ITIH2: variants seen among roughly 807,000 people sequenced by gnomAD.
ITIH2 encodes the protein inter-alpha-trypsin inhibitor heavy chain H2.
In ITIH2, 103 loss-of-function variants were observed where a neutral mutation model predicts 104.4. The ratio of observed to expected loss-of-function variants is 0.99; its 90% CI spans 0.84 to 1.16. The LOEUF (loss-of-function observed/expected upper bound fraction) is 1.16. Ranked by LOEUF, ITIH2 falls within the 50% of genes most tolerant of loss-of-function variation. The pLI is 0.00. For synonymous variants in ITIH2, 436 were observed against 435.4 expected (o/e 1.00, Z -0.02); for missense variants, 1,108 against 1,162.4 (o/e 0.95, Z 0.68).
At chr10:7,728,006 A>T (rs1834967619) in intron 11 of ITIH2, among the ~76,000 whole-genome samples, 178 bp downstream of exon 11, 1 of 152,222 alleles carries the variant, frequency 6.6e-6, no homozygotes, top group Non-Finnish European at 1.5e-5. Context: ...GCTACTGCTC[A>T]GACACTTTCA....
Position 7,732,400 on chromosome 10 carries a change from G to C in ITIH2, c.1710G>C (p.Ser570=), listed in dbSNP as rs537160383. The change falls in exon 14 of 21, where the codon TCG becomes TCC. Residue 570 remains serine, a synonymous_variant. Transcript: ENST00000358415. ...AQMDDLQDFL[S]KDKHADPDFT... is the part of the protein sequence containing the mutation. ...TGGACGACTTGCAGGATTTTCTATC[G>C]AAAGACAAGCATGCAGATCCCGATT... 3.1e-6 allele frequency: 5 copies of C among 1,613,864 alleles called. No homozygotes were observed. In the African/African-American group the frequency reaches 4.0e-5, roughly 13 times the overall value.
rs202208125 is a variant in ITIH2 at position 7,749,186 on chromosome 10, G to A, written c.2694-1G>A. 8.1e-6 allele frequency: 13 copies of A among 1,614,006 alleles called. No homozygotes were observed. The East Asian group carries it at 2.2e-4, about 28-fold the overall frequency. On this transcript the variant is annotated splice_acceptor_variant, in intron 20 of 20. Coordinates refer to ENST00000358415, the MANE Select transcript of ITIH2 (RefSeq NM_002216.3). LOFTEE classifies it high-confidence loss of function. ...TAACCACATGCCTTGCTTCCTTGCA[G>A]GGGCTTACAGAAAGACTACAGAACG...
At position 7,705,476 on chromosome 10, in the gene ITIH2, A is replaced by G. The variant is rs151161263; in HGVS notation, c.159+294A>G. 1.2e-4 allele frequency among the ~76,000 whole-genome samples: 19 copies of G among 152,214 alleles called. 1 individual carries two copies. The highest frequency in any genetic ancestry group is 2.4e-4 in the Non-Finnish European group (16 of 67,996). ...ATCACAGCATTTTCAGAGGCCAAGG[A>G]GGGAGGATCACTTGAGGCCAGGAGT... On this transcript the variant is annotated intron_variant, in intron 2 of 20. Transcript: ENST00000358415.
At position 7,738,621 on chromosome 10, in the gene ITIH2, G is replaced by C. The variant is rs1361027897; in HGVS notation, c.1958G>C (p.Gly653Ala). The C allele has an allele frequency of 1.2e-6, 2 of 1,613,020 alleles. No individual in the cohort carries two copies. Among genetic ancestry groups the C allele is most frequent in the South Asian group, 1.1e-5 (1 of 91,072 alleles). Residue 653 changes from glycine to alanine, a missense_variant and splice_region_variant, in exon 16 of 21, where the codon GGG becomes GCG. By Grantham distance (60) the Gly-to-Ala change is moderately conservative. Coordinates refer to ENST00000358415, the MANE Select transcript of ITIH2 (RefSeq NM_002216.3). ...AACAGATGCAGGTTTGTCTACGCAG[G>C]GGCCCTGTATTACGGCAGCAAAGTG... The part of the protein sequence containing the change: ...APPQDPSCCS[G>A]ALYYGSKVVP...
chr10:7,744,388 T>C (rs1014793102), intron 18 of ITIH2, 108 bp downstream of exon 18: 42 of 1,007,938 alleles, frequency 4.2e-5, no homozygotes, highest in South Asian at 7.8e-5. Context: ...ATTTTAAATA[T>C]AAGGAAGTTG....
chr10:7,713,906 T>C (rs1430536407), intron 5 of ITIH2, among the ~76,000 whole-genome samples: 2 of 152,052 alleles, frequency 1.3e-5, no homozygotes, highest in Non-Finnish European at 2.9e-5. Context: ...CCTTGCTTTG[T>C]TGTCTAGGCT....
intron 10 of ITIH2, 69 bp downstream of exon 10, chr10:7,727,187 C>T (rs1032250925): frequency 8.4e-6 from 11 of 1,302,344 alleles, no homozygotes; most frequent in Non-Finnish European, 1.1e-5. Flanking sequence ...ACTTAAGAAG[C>T]ATTATTCCCA....
intron 5 of ITIH2, among the ~76,000 whole-genome samples, chr10:7,716,476 C>T (rs1834850633): frequency 6.6e-6 from 1 of 152,048 alleles, no homozygotes; most frequent in Admixed American, 6.5e-5. Flanking sequence ...GTGGCTCAGA[C>T]TATAATCCCA....
chr10:7,704,852 A>C (rs1274270191), intron 1 of ITIH2, among the ~76,000 whole-genome samples: 1 of 152,016 alleles, frequency 6.6e-6, no homozygotes, highest in East Asian at 1.9e-4. Flanking sequence ...GTTCTCACTC[A>C]TAAGTGGGAG....
rs1834773311 is a variant in ITIH2 at position 7,709,125 on chromosome 10, C to CGCAGCCTCA, written c.298_306dup (p.Gln100_Gln102dup). 1 of 1,613,912 alleles carries CGCAGCCTCA rather than the reference C, an allele frequency of 6.2e-7. No individual in the cohort carries two copies. Among genetic ancestry groups the CGCAGCCTCA allele is most frequent in the Non-Finnish European group, 8.5e-7 (1 of 1,180,002 alleles). ...CAGAGCAAAGTGGTGAACAATTCCC[C>CGCAGCCTCA]GCAGCCTCAGAATGTCGTGTTTGAT... On this transcript the variant is annotated inframe_insertion, in exon 4 of 21. Coordinates refer to ENST00000358415, the MANE Select transcript of ITIH2 (RefSeq NM_002216.3).
intron 19 of ITIH2, 23 bp downstream of exon 19, chr10:7,744,986 G>C (rs771210221): frequency 7.5e-6 from 12 of 1,606,512 alleles, no homozygotes; most frequent in Non-Finnish European, 9.4e-6. Flanking sequence ...TTGACCATCT[G>C]ACAAGGGTGG....
chr10:7,742,585 A>G (rs117571486), intron 16 of ITIH2, among the ~76,000 whole-genome samples: 3,179 of 152,230 alleles, frequency 0.021, 52 homozygotes, highest in Non-Finnish European at 0.034. Flanking sequence ...TCTACAAAAA[A>G]TACAAAACAT....
chr10:7,725,811 G>A (rs1290568839), intron 9 of ITIH2, among the ~76,000 whole-genome samples: 2 of 152,190 alleles, frequency 1.3e-5, no homozygotes, highest in East Asian at 3.8e-4. Context: ...GTCAGCATTG[G>A]GACTAGGTGA....
chr10:7,732,552 A>G, intron 14 of ITIH2, 75 bp downstream of exon 14: 1 of 1,515,918 alleles, frequency 6.6e-7, no homozygotes, highest in Admixed American at 1.8e-5. Context: ...GAAGTCATAC[A>G]CAAAAAGAGT....
At chr10:7,737,588 ATAT>A (rs1835070100) in intron 15 of ITIH2, among the ~76,000 whole-genome samples, 1 of 128,274 alleles carries the variant, frequency 7.8e-6, no homozygotes, top group South Asian at 2.3e-4. Context: ...TCTATATTCT[ATAT>A]TATATTCTAT....
Position 7,705,153 on chromosome 10 carries a change from C to T in ITIH2, c.130C>T (p.Gln44Ter). 1.2e-5 allele frequency: 19 copies of T among 1,612,048 alleles called. No homozygotes were observed. The highest frequency in any genetic ancestry group is 9.9e-5 in the South Asian group (9 of 90,984). Residue 44 changes from glutamine (Q) to a stop codon, truncating the protein, a stop_gained, in exon 2 of 21, where the codon CAA becomes TAA. Coordinates refer to ENST00000358415, the MANE Select transcript of ITIH2 (RefSeq NM_002216.3). LOFTEE classifies it high-confidence loss of function. ...DLVELAPGKF[Q>*]LVAENRRYQR... is the part of the protein sequence containing the mutation. Reference sequence around the variant, plus strand: ...TGTGGAACTGGCCCCAGGCAAATTTCAATTGGTGGCAGAGAACCGGAGATA... The same window carrying T: ...TGTGGAACTGGCCCCAGGCAAATTTTAATTGGTGGCAGAGAACCGGAGATA...
chr10:7,737,239 C>G (rs1835063639), intron 15 of ITIH2, among the ~76,000 whole-genome samples: 1 of 151,184 alleles, frequency 6.6e-6, no homozygotes, highest in African/African-American at 2.4e-5. Flanking sequence ...TTCAAACAGT[C>G]CATGCTCTCT....
Position 7,737,783 on chromosome 10 carries a change from T to A in ITIH2, c.1958-838T>A, listed in dbSNP as rs552992680. Reference sequence around the variant, plus strand: ...TTATATTCTATATAATATTCTATATTATATTCTATATAATATTCTATATTA... The same window carrying A: ...TTATATTCTATATAATATTCTATATAATATTCTATATAATATTCTATATTA... On this transcript the variant is annotated intron_variant, in intron 15 of 20. Transcript: ENST00000358415. Among the ~76,000 whole-genome samples, 8 of 14,186 alleles carry A rather than the reference T, an allele frequency of 5.6e-4. 3 individuals are homozygous for A. The highest frequency in any genetic ancestry group is 9.4e-4 in the Non-Finnish European group (8 of 8,518). 9.3% of individuals were successfully genotyped at this position (14,186 alleles called of 152,430 possible).
chr10:7,739,050 T>C (rs1233022670), intron 16 of ITIH2, among the ~76,000 whole-genome samples: 1 of 152,202 alleles, frequency 6.6e-6, no homozygotes, highest in East Asian at 1.9e-4. Flanking sequence ...ATGTATTTCT[T>C]TGTGAGAGTT....
Sources: allele counts gnomAD v4.1 joint callset (sites outside exome capture counted in the v4.1 genomes callset), GRCh38; gene constraint gnomAD v4.1.1; transcripts MANE v1.5; gene names NCBI Gene and HGNC (gene_info 2026-07-23, HGNC 2026-07-21).